Variants in FBXO41 observed in about 807,000 individuals in gnomAD.
The protein encoded by FBXO41 is F-box protein 41, also known as F-box only protein 41.
A neutral mutation model predicts 81.6 loss-of-function variants in FBXO41; 33 were observed. The ratio of observed to expected loss-of-function variants is 0.40; its 90% confidence interval spans 0.31 to 0.54. The LOEUF (loss-of-function observed/expected upper bound fraction) is 0.54, where lower values mean the gene tolerates loss of function less well. FBXO41 is among the 20% of genes least tolerant of loss of function. The pLI is 0.39. For missense variants in FBXO41, 1,107 were observed against 1,236.0 expected (o/e 0.90, Z 1.56); for synonymous variants, 576 against 552.7 (o/e 1.04, Z -0.59).
Position 73,274,272 on chromosome 2 carries a change from A to G in FBXO41, c.-138-4504T>C, listed in dbSNP as rs950644284. On this transcript the variant is annotated intron_variant, in intron 1 of 12. Coordinates refer to ENST00000520530, the MANE Select transcript of FBXO41 (RefSeq NM_001371389.2). ...ATGTCCTTGATTGTGATGGCTGGAC[A>G]GTTTTTCACACATACACTGGCCATT... Among the ~76,000 whole-genome samples the G allele has an allele frequency of 5.9e-5, 9 of 152,336 alleles. No homozygotes were observed. In the East Asian group the frequency reaches 1.7e-3, roughly 29 times the overall value.
At position 73,260,771 on chromosome 2, in the gene FBXO41, G is replaced by T; in HGVS notation, c.2259C>A (p.Ala753=). 1 of 1,558,710 alleles carries T rather than the reference G, an allele frequency of 6.4e-7. No individual in the cohort carries two copies. Among genetic ancestry groups the T allele is most frequent in the East Asian group, 2.4e-5 (1 of 41,996 alleles). ...ATGCCAGGCCCTGCACCCCACAGCC[G>T]GCACCCCCGACCCCCAGGGCCCGCA... ...PHLRALGVGG[A]GCGVQGLASL... The change falls in exon 10 of 13, where the codon GCC becomes GCA. Residue 753 remains alanine, a synonymous_variant. Transcript: ENST00000520530. The surrounding 1 kb of genome is among the most constrained non-coding windows in gnomAD (Gnocchi z 5.0).
chr2:73,260,328 G>T lies in FBXO41; in HGVS notation c.2449+61C>A, dbSNP rs531159596. 6.4e-6 allele frequency: 10 copies of T among 1,558,434 alleles called. No individual in the cohort carries two copies. In the African/African-American group the frequency reaches 1.4e-4, roughly 21 times the overall value. On this transcript the variant is annotated intron_variant, in intron 11 of 12. Transcript: ENST00000520530. The surrounding 1 kb of genome is among the most constrained non-coding windows in gnomAD (Gnocchi z 5.0). Reference sequence around the variant, plus strand: ...TGCCCCAGTGATAGTTAGGATACCTGCTGACAGGGCCCCGTGGCAGGTGAT... The same window carrying T: ...TGCCCCAGTGATAGTTAGGATACCTTCTGACAGGGCCCCGTGGCAGGTGAT...
At chr2:73,279,048 C>G (rs76592647) in intron 1 of FBXO41, among the ~76,000 whole-genome samples, 1 of 151,986 alleles carries the variant, frequency 6.6e-6, no homozygotes, top group African/African-American at 2.4e-5. Context: ...GTTGGAACAC[C>G]GGAAGTGGAA....
chr2:73,266,360 A>G lies in FBXO41; in HGVS notation c.1131+97T>C. 1 of 1,355,138 alleles carries G rather than the reference A, an allele frequency of 7.4e-7. No homozygotes were observed. Among genetic ancestry groups the G allele is most frequent in the Non-Finnish European group, 9.8e-7 (1 of 1,017,828 alleles). The allele number at this position is 1,355,138 out of a possible 1,614,324, so 83.9% of individuals were successfully genotyped here. On this transcript the variant is annotated intron_variant, in intron 3 of 12. Coordinates refer to ENST00000520530, the MANE Select transcript of FBXO41 (RefSeq NM_001371389.2). The surrounding 1 kb of genome is among the most constrained non-coding windows in gnomAD (Gnocchi z 5.3). ...TGGGGTAAAAGCCAAAGAAGGGGCGAATGCGGCATCATGGGGGAGATGTCC... is the reference window on the plus strand; with the variant it reads ...TGGGGTAAAAGCCAAAGAAGGGGCGGATGCGGCATCATGGGGGAGATGTCC...
At chr2:73,270,786 T>C in intron 1 of FBXO41, 1 of 533,952 alleles carries the variant, frequency 1.9e-6, no homozygotes, top group South Asian at 1.4e-5. Context: ...CTTGTCACTC[T>C]TCTCCTACCT....
rs1688402073 is a variant in FBXO41, at chr2:73,269,268, G to A, written c.363C>T (p.Asp121=). The A allele has an allele frequency of 6.5e-7, 1 of 1,531,200 alleles. No individual in the cohort carries two copies. The allele number at this position is 1,531,200 out of a possible 1,614,324, so 94.9% of individuals were successfully genotyped here. The change falls in exon 2 of 13, where the codon GAC becomes GAT. Residue 121 remains aspartate, a synonymous_variant. Coordinates refer to ENST00000520530, the MANE Select transcript of FBXO41 (RefSeq NM_001371389.2). This position sits in a 1 kb window ranked among gnomAD's most constrained non-coding sequence, Gnocchi z 7.0. ...CACAGGGCAGGCTAGCGGGCACCAG[G>A]TCGCCGGGGAAGTGGGCGAGGGGAG... ...HHAPLAHFPG[D]LVPASLPCEE...
chr2:73,259,122 C>T lies in FBXO41; in HGVS notation c.2565+59G>A, dbSNP rs922140947. ...CTCCTGCCACACTCACCCAGGTCAC[C>T]AGCCCCAGTCTAGGGATGCCACTTG... On this transcript the variant is annotated intron_variant, in intron 12 of 12. Coordinates refer to ENST00000520530, the MANE Select transcript of FBXO41 (RefSeq NM_001371389.2). The surrounding 1 kb of genome is among the most constrained non-coding windows in gnomAD (Gnocchi z 4.2). The T allele has an allele frequency of 6.2e-7, 1 of 1,610,600 alleles. No individual in the cohort carries two copies. The highest frequency in any genetic ancestry group is 8.5e-7 in the Non-Finnish European group (1 of 1,177,454).
rs769410533 is a variant in FBXO41, at chr2:73,263,664, G to C, written c.2075+14C>G. The C allele has an allele frequency of 1.4e-4, 233 of 1,612,414 alleles. 3 individuals are homozygous for C. The East Asian group carries it at 4.9e-3, about 34-fold the overall frequency. On this transcript the variant is annotated intron_variant, in intron 8 of 12. Transcript: ENST00000520530. The stretch of plus-strand genomic sequence containing the variant: ...TTAGAGGGAACAGGCCATGCTTCTA[G>C]TCGGTTGACCCACCTGTACGTGACA...
At chr2:73,267,138 A>G (rs923291075) in intron 2 of FBXO41, among the ~76,000 whole-genome samples, 13 of 152,164 alleles carry the variant, frequency 8.5e-5, no homozygotes, top group Non-Finnish European at 1.8e-4. Context: ...GAACACTCCT[A>G]GGCACACACT....
Position 73,259,917 on chromosome 2 carries a change from G to C in FBXO41, c.2449+472C>G, listed in dbSNP as rs1460039844. The stretch of plus-strand genomic sequence containing the variant: ...CTCAGGAGCCAAAGGGTCCTGGCTG[G>C]TGGTCTCCTTGGGCAGGAGCAGCCC... On this transcript the variant is annotated intron_variant, in intron 11 of 12. Transcript: ENST00000520530. The surrounding 1 kb of genome is among the most constrained non-coding windows in gnomAD (Gnocchi z 4.2). Among the ~76,000 whole-genome samples, 3 of 152,154 alleles carry C rather than the reference G, an allele frequency of 2.0e-5. No individual in the cohort carries two copies. Among genetic ancestry groups the C allele is most frequent in the African/African-American group, 7.2e-5 (3 of 41,418 alleles).
rs1405200836 is a variant in FBXO41 at position 73,260,712 on chromosome 2, C to T, written c.2290+28G>A. On this transcript the variant is annotated intron_variant, in intron 10 of 12. Coordinates refer to ENST00000520530, the MANE Select transcript of FBXO41 (RefSeq NM_001371389.2). This position sits in a 1 kb window ranked among gnomAD's most constrained non-coding sequence, Gnocchi z 5.0. The stretch of plus-strand genomic sequence containing the variant: ...GCACCCATGCCTGCTTCCCACTACC[C>T]ACCACCCCAGTCCAAGGAAAGACTC... 6.6e-7 allele frequency: 1 copy of T among 1,524,774 alleles called. No individual in the cohort carries two copies. Among genetic ancestry groups the T allele is most frequent in the Non-Finnish European group, 8.9e-7 (1 of 1,129,034 alleles). The allele number at this position is 1,524,774 out of a possible 1,614,324, so 94.5% of individuals were successfully genotyped here. A position where few individuals can be genotyped will look rare whatever the true frequency, so the allele number is the denominator to read the frequency against.
At position 73,265,596 on chromosome 2, in the gene FBXO41, T is replaced by C. The variant is rs1328632279; in HGVS notation, c.1250A>G (p.Tyr417Cys). The change falls in exon 5 of 13, where the codon TAT (tyrosine) becomes TGT (cysteine). Residue 417 changes from tyrosine to cysteine, a missense_variant. Physicochemically the swap from Tyr to Cys is radical, Grantham distance 194. This residue lies in a region of FBXO41 where 771 missense variants were observed against 789.2 expected (regional missense o/e 0.98). Coordinates refer to ENST00000520530, the MANE Select transcript of FBXO41 (RefSeq NM_001371389.2). Reference protein sequence around the residue: ...VPAASQSSGCYDSDSLELPRP... With the variant: ...VPAASQSSGCCDSDSLELPRP... Reference sequence around the variant, plus strand: ...GGGCAGCTCCAGACTGTCACTGTCATAGCAGCCTGAGCTCTGGGATGCGGC... The same window carrying C: ...GGGCAGCTCCAGACTGTCACTGTCACAGCAGCCTGAGCTCTGGGATGCGGC... 2 of 1,535,094 alleles carry C rather than the reference T, an allele frequency of 1.3e-6. No individual in the cohort carries two copies. Among genetic ancestry groups the C allele is most frequent in the East Asian group, 2.3e-5 (1 of 44,172 alleles).
Position 73,269,195 on chromosome 2 carries a change from C to A in FBXO41, c.436G>T (p.Ala146Ser), listed in dbSNP as rs1425334511. The change falls in exon 2 of 13, where the codon GCG (alanine) becomes TCG (serine). Residue 146 changes from alanine (A) to serine (S), a missense_variant. Around this residue, in one of 2 missense-constraint regions of FBXO41, gnomAD observed 771 missense variants for 789.2 expected, o/e 0.98. Transcript: ENST00000520530. This position sits in a 1 kb window ranked among gnomAD's most constrained non-coding sequence, Gnocchi z 7.0. ...GLVPAAAARY[A>S]LREIEIPLGE... is the part of the protein sequence containing the mutation. ...AGCGGGATCTCGATCTCGCGCAGCG[C>A]ATAGCGCGCTGCTGCGGCGGGCACA... 37 of 1,526,840 alleles carry A rather than the reference C, an allele frequency of 2.4e-5. No homozygotes were observed. Among genetic ancestry groups the A allele is most frequent in the Non-Finnish European group, 6.1e-6 (7 of 1,139,838 alleles). The allele number at this position is 1,526,840 out of a possible 1,614,324, so 94.6% of individuals were successfully genotyped here.
chr2:73,279,595 G>A (rs1160325866), intron 1 of FBXO41, among the ~76,000 whole-genome samples: 1 of 152,096 alleles, frequency 6.6e-6, no homozygotes, highest in Non-Finnish European at 1.5e-5. Context: ...AAATAATGTT[G>A]AAAACTCAAG....
rs957090692 is a variant in FBXO41 at position 73,257,000 on chromosome 2, CAGGG to C, written c.*1978_*1981del. The stretch of plus-strand genomic sequence containing the variant: ...GGCAGCACCTCTGGTTCTGGGGTCA[CAGGG>C]AGCAGGAGCTACAGGGTGCAGTTGG... On this transcript the variant is annotated 3_prime_UTR_variant, in exon 13 of 13. Transcript: ENST00000520530. The C allele has an allele frequency of 5.9e-5, 9 of 153,114 alleles. No homozygotes were observed. The highest frequency in any genetic ancestry group is 2.2e-4 in the African/African-American group (9 of 41,588). The allele number at this position is 153,114 out of a possible 1,614,324, so 9.5% of individuals were successfully genotyped here.
At chr2:73,263,399 C>T (rs1688090531) in intron 8 of FBXO41, 91 bp from the exon 9 acceptor site, 8 of 1,004,716 alleles carry the variant, frequency 8.0e-6, no homozygotes, top group Middle Eastern at 2.9e-4. Flanking sequence ...GGTTGGGGAT[C>T]GCCTGAGCCC....
At chr2:73,264,608 G>A in intron 5 of FBXO41, 89 bp from the exon 6 acceptor site, 31 of 1,554,828 alleles carry the variant, frequency 2.0e-5, no homozygotes, top group Non-Finnish European at 2.6e-5. Context: ...GGTAGGATCT[G>A]CAGAGGAATG....
chr2:73,280,876 AT>A (rs970686268), intron 1 of FBXO41, among the ~76,000 whole-genome samples: 1 of 152,274 alleles, frequency 6.6e-6, no homozygotes, highest in Admixed American at 6.5e-5. Flanking sequence ...TGTTAGAGGA[AT>A]CACACTGAAT....
At position 73,259,116 on chromosome 2, in the gene FBXO41, G is replaced by C. The variant is rs112931206; in HGVS notation, c.2565+65C>G. On this transcript the variant is annotated intron_variant, in intron 12 of 12. Transcript: ENST00000520530. This position sits in a 1 kb window ranked among gnomAD's most constrained non-coding sequence, Gnocchi z 4.2. ...GGGGCCCTCCTGCCACACTCACCCA[G>C]GTCACCAGCCCCAGTCTAGGGATGC... The C allele has an allele frequency of 2.4e-5, 39 of 1,610,598 alleles. 2 individuals are homozygous for C. In the African/African-American group the frequency reaches 3.7e-4, roughly 15 times the overall value.
Sources: allele counts gnomAD v4.1 joint callset (sites outside exome capture counted in the v4.1 genomes callset), GRCh38; gene constraint gnomAD v4.1.1; regional missense constraint gnomAD v4.1.1; non-coding constraint Gnocchi (gnomAD v3.1); transcripts MANE v1.5; gene names NCBI Gene and HGNC (gene_info 2026-07-23, HGNC 2026-07-21).